INTS4: variants seen among roughly 807,000 people sequenced by gnomAD.
The protein encoded by INTS4 is MSTP093.
Under a neutral mutation model 119.5 loss-of-function variants are expected in INTS4, and 70 were observed. The ratio of observed to expected loss-of-function variants is 0.59; its 90% CI spans 0.48 to 0.71. The LOEUF (loss-of-function observed/expected upper bound fraction) is 0.71, where lower values mean the gene tolerates loss of function less well. INTS4 is among the 30% of genes least tolerant of loss of function. INTS4 has a pLI of 0.00. For missense variants in INTS4, 867 were observed against 1,173.2 expected (o/e 0.74, Z 3.81); for synonymous variants, 316 against 419.6 (o/e 0.75, Z 3.02).
At chr11:77,934,083 G>A (rs953661339) in intron 10 of INTS4, among the ~76,000 whole-genome samples, 11 of 152,100 alleles carry the variant, frequency 7.2e-5, no homozygotes, top group African/African-American at 2.7e-4. Context: ...GTTAATCTAT[G>A]ACCTTACCCC....
At position 77,960,935 on chromosome 11, in the gene INTS4, T is replaced by C; in HGVS notation, c.657+18A>G. 6.3e-7 allele frequency: 1 copy of C among 1,584,768 alleles called. No homozygotes were observed. Among genetic ancestry groups the C allele is most frequent in the Admixed American group, 1.8e-5 (1 of 54,834 alleles). On this transcript the variant is annotated intron_variant, in intron 5 of 22. Transcript: ENST00000534064. ...AAAATGAACACTAGCCCCAACTAGT[T>C]TCCATAATCACATTTACCATGGCTT... is the stretch of plus-strand genomic sequence containing the variant.
chr11:77,905,872 A>G (rs1952935983), intron 16 of INTS4, among the ~76,000 whole-genome samples: 1 of 152,162 alleles, frequency 6.6e-6, no homozygotes, highest in South Asian at 2.1e-4. Context: ...TCTGCTCATA[A>G]CTGTTAGACC....
rs1209705841 is a variant in INTS4, at chr11:77,894,157, C to T, written c.2288+133G>A. On this transcript the variant is annotated intron_variant, in intron 19 of 22. Transcript: ENST00000534064. Reference sequence around the variant, plus strand: ...TTTTTTCCTAATTTAAGGTTAACGACATGGCCACAGATGATAGCTTGGCTG... The same window carrying T: ...TTTTTTCCTAATTTAAGGTTAACGATATGGCCACAGATGATAGCTTGGCTG... The T allele has an allele frequency of 1.1e-5, 6 of 539,862 alleles. No individual in the cohort carries two copies. In the African/African-American group the frequency reaches 1.2e-4, roughly 11 times the overall value. The allele number at this position is 539,862 out of a possible 1,614,324, so 33.4% of individuals were successfully genotyped here.
chr11:77,974,085 G>C (rs977781301), intron 4 of INTS4, among the ~76,000 whole-genome samples: 7 of 152,166 alleles, frequency 4.6e-5, no homozygotes, highest in African/African-American at 1.7e-4. Context: ...GATTTGTTTA[G>C]TTGGTTTTCT....
At chr11:77,903,477 T>C (rs1952841261) in intron 17 of INTS4, 63 bp downstream of exon 17, 2 of 1,606,650 alleles carry the variant, frequency 1.2e-6, no homozygotes, top group East Asian at 4.5e-5. Context: ...CCTCTGGCTC[T>C]GTCTTGGACC....
intron 19 of INTS4, 136 bp downstream of exon 19, chr11:77,894,154 C>T (rs987949319): frequency 5.5e-5 from 29 of 528,334 alleles, no homozygotes; most frequent in African/African-American, 2.6e-4. Flanking sequence ...TTAAGGTTAA[C>T]GACATGGCCA....
At position 77,918,889 on chromosome 11, in the gene INTS4, A is replaced by G. The variant is rs763334609; in HGVS notation, c.1854T>C (p.Leu618=). Residue 618 remains leucine (L), a synonymous_variant, in exon 15 of 23, where the codon CTT becomes CTC. Coordinates refer to ENST00000534064, the MANE Select transcript of INTS4 (RefSeq NM_033547.4). ...AGTGCTGAAGACTATACACTCTTTC[A>G]AGGCTCTGCTGCAGGAACTGCTGGG... The part of the protein sequence containing the change: ...DPSQQFLQQS[L]ERVYSLQHLD... 1.2e-6 allele frequency: 2 copies of G among 1,613,910 alleles called. No individual in the cohort carries two copies. The highest frequency in any genetic ancestry group is 2.2e-5 in the South Asian group (2 of 91,064).
At position 77,883,970 on chromosome 11, in the gene INTS4, T is replaced by C. The variant is rs762992777; in HGVS notation, c.2593-18A>G. 5.0e-6 allele frequency: 8 copies of C among 1,610,154 alleles called. No individual in the cohort carries two copies. The highest frequency in any genetic ancestry group is 1.3e-5 in the African/African-American group (1 of 74,694). ...TATAAGACCTAAAGGGTGACAGAAA[T>C]GAGAAAAAGGCAGAAGCGAGAGGAG... On this transcript the variant is annotated intron_variant, in intron 21 of 22. Coordinates refer to ENST00000534064, the MANE Select transcript of INTS4 (RefSeq NM_033547.4).
At chr11:77,965,942 A>G (rs1362181501) in intron 4 of INTS4, among the ~76,000 whole-genome samples, 2 of 152,208 alleles carry the variant, frequency 1.3e-5, no homozygotes, top group African/African-American at 4.8e-5. Context: ...ATCTTCGCCA[A>G]CAGTGTACGA....
intron 10 of INTS4, 99 bp downstream of exon 10, chr11:77,938,552 G>A (rs1953855743): frequency 1.2e-5 from 18 of 1,481,630 alleles, no homozygotes; most frequent in African/African-American, 2.8e-5. Flanking sequence ...GAGTTACTGT[G>A]AGGACTAAAT....
At chr11:77,972,894 T>C (rs1316153122) in intron 4 of INTS4, among the ~76,000 whole-genome samples, 1 of 151,314 alleles carries the variant, frequency 6.6e-6, no homozygotes, top group Non-Finnish European at 1.5e-5. Context: ...TGGAGTGGCA[T>C]AATCAAGGCT....
chr11:77,922,646 C>G (rs1037075187), intron 12 of INTS4, 175 bp from the exon 13 acceptor site: 8 of 961,764 alleles, frequency 8.3e-6, no homozygotes, highest in Non-Finnish European at 1.2e-5. Flanking sequence ...TCGGTTAATT[C>G]ATCTAAAAAA....
intron 2 of INTS4, among the ~76,000 whole-genome samples, chr11:77,985,306 T>C (rs2136656440): frequency 6.6e-6 from 1 of 152,306 alleles, no homozygotes; most frequent in East Asian, 1.9e-4. Context: ...CCAAATCTTC[T>C]GGTCTTATCT....
chr11:77,961,047 G>C lies in INTS4; in HGVS notation c.563C>G (p.Ala188Gly), dbSNP rs1487992213. Residue 188 changes from alanine (A) to glycine (G), a missense_variant, in exon 5 of 23, where the codon GCA (alanine) becomes GGA (glycine). This residue lies in a region of INTS4 where 224 missense variants were observed against 231.8 expected (regional missense o/e 0.97). Transcript: ENST00000534064. ...GACATCTCTGGCAGCTAGGCCTTCT[G>C]CATCTTTTGTGACACTTTTCTCCAA... ...GSLEKSVTKD[A>G]EGLAARDVQK... The C allele has an allele frequency of 6.2e-7, 1 of 1,611,084 alleles. No homozygotes were observed. The highest frequency in any genetic ancestry group is 1.1e-5 in the South Asian group (1 of 90,980).
chr11:77,932,258 A>C (rs1410119358), intron 10 of INTS4, among the ~76,000 whole-genome samples: 1 of 152,190 alleles, frequency 6.6e-6, no homozygotes, highest in Non-Finnish European at 1.5e-5. Flanking sequence ...AAAACAAAAC[A>C]AAACAAAAAA....
intron 3 of INTS4, among the ~76,000 whole-genome samples, chr11:77,981,190 C>CAAAAAAAAA (rs35194381): frequency 2.3e-5 from 2 of 88,862 alleles, no homozygotes; most frequent in Non-Finnish European, 4.5e-5. Context: ...AACAAACAAG[C>CAAAAAAAAA]AAAAAAAAAA....
At chr11:77,992,742 G>A (rs992225621) in intron 1 of INTS4, among the ~76,000 whole-genome samples, 3 of 152,080 alleles carry the variant, frequency 2.0e-5, no homozygotes, top group Non-Finnish European at 4.4e-5. Context: ...TACTAGCTGG[G>A]GAAGGCCTTC....
At chr11:77,943,157 C>T (rs1399582796) in intron 8 of INTS4, among the ~76,000 whole-genome samples, 2 of 152,118 alleles carry the variant, frequency 1.3e-5, no homozygotes, top group Non-Finnish European at 2.9e-5. Flanking sequence ...CCATAATTCC[C>T]AGTGCCCTCC....
chr11:77,980,366 T>C (rs1245781078), intron 3 of INTS4, among the ~76,000 whole-genome samples: 2 of 148,688 alleles, frequency 1.3e-5, no homozygotes, highest in Non-Finnish European at 3.0e-5. Context: ...TTTTGGTGCT[T>C]GTATTTATTT....
Sources: gnomAD v4.1 joint callset for allele counts (sites outside exome capture counted in the v4.1 genomes callset) on GRCh38, gnomAD v4.1.1 for gene constraint, gnomAD v4.1.1 regional missense constraint, MANE v1.5 for transcripts, NCBI Gene and HGNC (gene_info 2026-07-23, HGNC 2026-07-21) for gene names.